The following MTMR3 variants were observed in gnomAD, a reference collection of about 807,000 sequenced individuals.
The protein encoded by MTMR3 is phosphatidylinositol-3,5-bisphosphate 3-phosphatase MTMR3.
In MTMR3, 32 loss-of-function variants were observed where a neutral mutation model predicts 132.4. The ratio of observed to expected loss-of-function variants is 0.24; its 90% CI spans 0.18 to 0.32. MTMR3 has a LOEUF of 0.32. MTMR3 is among the 10% of genes least tolerant of loss of function. MTMR3 has a pLI of 1.00. For missense variants in MTMR3, 1,216 were observed against 1,489.6 expected, an observed-to-expected ratio of 0.82 and a Z score of 3.02; for synonymous variants, 556 against 550.3, an observed-to-expected ratio of 1.01 and a Z score of -0.14.
rs1568988493 is a variant in MTMR3 at position 29,883,207 on chromosome 22, G to A, written c.-290G>A. ...TGGCCGCTGCCGCCATGTTGTTGTG[G>A]TTGTGAGAAGGCGGCGGCGGCGGCG... On this transcript the variant is annotated 5_prime_UTR_variant, in exon 1 of 20. The change creates a premature stop within an existing upstream ORF in the 5' untranslated region. Transcript: ENST00000401950. 2 of 152,750 alleles carry A rather than the reference G, an allele frequency of 1.3e-5. No individual in the cohort carries two copies. 9.5% of individuals were successfully genotyped at this position (152,750 alleles called of 1,614,324 possible). A position where few individuals can be genotyped will look rare whatever the true frequency, so the allele number is the denominator to read the frequency against.
At chr22:29,912,278 A>G (rs1388565890) in intron 1 of MTMR3, among the ~76,000 whole-genome samples, 1 of 152,116 alleles carries the variant, frequency 6.6e-6, no homozygotes, top group African/African-American at 2.4e-5. Context: ...TTATTTATTT[A>G]TGTTTATGAA....
chr22:29,962,654 T>C (rs1257174484), intron 2 of MTMR3, among the ~76,000 whole-genome samples: 1 of 152,138 alleles, frequency 6.6e-6, no homozygotes, highest in Admixed American at 6.5e-5. Flanking sequence ...AACTCCAGCC[T>C]GGGCAGCAGA....
chr22:29,915,247 C>G (rs537287058), intron 1 of MTMR3, among the ~76,000 whole-genome samples: 1 of 152,262 alleles, frequency 6.6e-6, no homozygotes, highest in South Asian at 2.1e-4. Flanking sequence ...TATTTGCCAT[C>G]CCCCAGGCTA....
intron 5 of MTMR3, chr22:29,980,338 A>G (rs891945165): frequency 6.6e-6 from 1 of 152,200 alleles, no homozygotes; most frequent in Non-Finnish European, 1.5e-5. Context: ...GGCCATGATT[A>G]TAGCAGTTAC....
chr22:30,020,789 A>G lies in MTMR3; in HGVS notation c.3130A>G (p.Thr1044Ala), dbSNP rs1276115023. The G allele has an allele frequency of 6.2e-7, 1 of 1,614,000 alleles. No homozygotes were observed. Among genetic ancestry groups the G allele is most frequent in the East Asian group, 2.2e-5 (1 of 44,892 alleles). ...GTCAGGCCACCAGCAGGAAGTAGAA[A>G]CTTTGAAGAAACAAGTCCAGGAGCT... ...IESGHQQEVE[T>A]LKKQVQELKS... The change falls in exon 17 of 20, where the codon ACT (threonine) becomes GCT (alanine). Residue 1044 changes from threonine to alanine, a missense_variant. This residue lies in a region of MTMR3 where 852 missense variants were observed against 852.0 expected (regional missense o/e 1.00). Transcript: ENST00000401950.
intron 7 of MTMR3, chr22:29,993,971 C>T (rs1171742276): frequency 3.5e-6 from 1 of 286,282 alleles, no homozygotes; most frequent in Admixed American, 6.5e-5. Flanking sequence ...AAAAAGAACA[C>T]TGGGCAAAGA....
rs916416020 is a variant in MTMR3, at chr22:29,886,542, A to G, written c.-138+3183A>G. Among the ~76,000 whole-genome samples, 17 of 152,276 alleles carry G rather than the reference A, an allele frequency of 1.1e-4. No homozygotes were observed. In the Middle Eastern group the frequency reaches 0.01, roughly 91 times the overall value. On this transcript the variant is annotated intron_variant, in intron 1 of 19. Transcript: ENST00000401950. ...GGGCGTCAGTTTTCTCATATATACA[A>G]TTAAGGGCCTATAGTCTTTGACCTC...
chr22:29,896,990 T>A (rs964174773), intron 1 of MTMR3, among the ~76,000 whole-genome samples: 1 of 151,824 alleles, frequency 6.6e-6, no homozygotes, highest in Non-Finnish European at 1.5e-5. Flanking sequence ...AAAGTAAAAT[T>A]TAAATATTTA....
chr22:30,021,122 A>G, intron 17 of MTMR3: 1 of 558,984 alleles, frequency 1.8e-6, no homozygotes. Flanking sequence ...AGAGGAAGAG[A>G]CTTAGCATGC....
rs761298564 is a variant in MTMR3, at chr22:30,019,582, G to T, written c.1923G>T (p.Trp641Cys). The change falls in exon 17 of 20, where the codon TGG becomes TGT. Residue 641 changes from tryptophan to cysteine, a missense_variant. Coordinates refer to ENST00000401950, the MANE Select transcript of MTMR3 (RefSeq NM_021090.4). ...RCSDPSLNEK[W>C]QEHRRSLELS... ...GCGACCCCAGCCTGAACGAGAAGTG[G>T]CAGGAGCACCGGCGCTCACTAGAGC... The T allele has an allele frequency of 3.1e-6, 5 of 1,613,772 alleles. No homozygotes were observed. The highest frequency in any genetic ancestry group is 1.3e-5 in the African/African-American group (1 of 74,944).
intron 3 of MTMR3, among the ~76,000 whole-genome samples, chr22:29,972,767 C>T (rs916155664): frequency 2.6e-5 from 4 of 152,264 alleles, no homozygotes; most frequent in Non-Finnish European, 2.9e-5. Context: ...GACGGGGTTT[C>T]GCCATGTTGG....
chr22:29,952,171 A>G (rs2066095056), intron 1 of MTMR3, among the ~76,000 whole-genome samples: 1 of 152,138 alleles, frequency 6.6e-6, no homozygotes, highest in South Asian at 2.1e-4. Flanking sequence ...ACAAGAAATG[A>G]TTATAACTTG....
intron 1 of MTMR3, among the ~76,000 whole-genome samples, chr22:29,903,390 C>CTTTTTTTTTTTT (rs35625964): frequency 8.4e-6 from 1 of 119,694 alleles, no homozygotes; most frequent in Non-Finnish European, 1.7e-5. Context: ...CTTTTTCTTT[C>CTTTTTTTTTTTT]TTTTTTTTTT....
intron 1 of MTMR3, among the ~76,000 whole-genome samples, chr22:29,955,123 A>C (rs192288943): frequency 1.8e-3 from 268 of 152,078 alleles, no homozygotes; most frequent in Non-Finnish European, 3.0e-3. Context: ...CTGAGTAGCT[A>C]GGACCACAGG....
chr22:29,951,666 A>G (rs1162535704), intron 1 of MTMR3, among the ~76,000 whole-genome samples: 2 of 152,194 alleles, frequency 1.3e-5, no homozygotes, highest in African/African-American at 2.4e-5. Flanking sequence ...GATTCTGTCT[A>G]TTGCAGAACT....
At chr22:29,883,879 G>A (rs1366473562) in intron 1 of MTMR3, among the ~76,000 whole-genome samples, 1 of 152,204 alleles carries the variant, frequency 6.6e-6, no homozygotes, top group East Asian at 1.9e-4. Flanking sequence ...GTGCAGCAGG[G>A]CATCCCCCTG....
chr22:29,951,079 A>G (rs1450682397), intron 1 of MTMR3, among the ~76,000 whole-genome samples: 2 of 152,066 alleles, frequency 1.3e-5, no homozygotes, highest in East Asian at 3.9e-4. Flanking sequence ...TGAACCCAGG[A>G]GGCAGAGGTT....
chr22:29,939,244 C>T (rs186576229), intron 1 of MTMR3, among the ~76,000 whole-genome samples: 1 of 152,250 alleles, frequency 6.6e-6, no homozygotes, highest in African/African-American at 2.4e-5. Flanking sequence ...TGTGTCCTAA[C>T]TTAAGGTCTG....
intron 1 of MTMR3, among the ~76,000 whole-genome samples, chr22:29,949,411 G>A (rs13058334): frequency 0.059 from 8,885 of 150,304 alleles, 495 homozygotes; most frequent in South Asian, 0.24. Context: ...CAGGAGAATC[G>A]CTGGAACCCA....
Sources: gnomAD v4.1 joint callset for allele counts (sites outside exome capture counted in the v4.1 genomes callset) on GRCh38, gnomAD v4.1.1 for gene constraint, gnomAD v4.1.1 regional missense constraint, MANE v1.5 for transcripts, NCBI Gene and HGNC (gene_info 2026-07-23, HGNC 2026-07-21) for gene names.